The following MYPN variants were observed in gnomAD, a reference collection of about 807,000 sequenced individuals.
MYPN encodes myopalladin, also known as sarcomeric protein myopalladin, 145 kDa (MYOP).
MYPN carries 63 observed loss-of-function variants against 129.4 expected under a neutral mutation model. That is an observed-to-expected ratio of 0.49 (90% CI 0.40 to 0.60). The LOEUF is 0.60. MYPN is among the 20% of genes least tolerant of loss of function. The pLI, the probability that MYPN is intolerant of heterozygous loss-of-function variation, is 0.00. For missense variants in MYPN, 1,596 were observed against 1,635.4 expected, an observed-to-expected ratio of 0.98 and a Z score of 0.42; for synonymous variants, 629 against 600.9, an observed-to-expected ratio of 1.05 and a Z score of -0.68.
At chr10:68,117,122 G>T (rs1368206097) in intron 1 of MYPN, among the ~76,000 whole-genome samples, 1 of 152,022 alleles carries the variant, frequency 6.6e-6, no homozygotes, top group Admixed American at 6.6e-5. Flanking sequence ...TACTTGGGAG[G>T]CTGAGGCAGG....
rs1402437776 is a variant in MYPN at position 68,182,244 on chromosome 10, ATATAACACACATATATATATAACATAT to A, written c.2704-6660_2704-6634del. On this transcript the variant is annotated intron_variant, in intron 12 of 19. Coordinates refer to ENST00000358913, the MANE Select transcript of MYPN (RefSeq NM_032578.4). ...TATAACACATATATATATAACATAT[ATATAACACACATATATATATAACATAT>A]ATATAACACACATATATATATAACA... is the stretch of plus-strand genomic sequence containing the variant. Among the ~76,000 whole-genome samples, 4 of 88,344 alleles carry A rather than the reference ATATAACACACATATATATATAACATAT, an allele frequency of 4.5e-5. No individual in the cohort carries two copies. The South Asian group carries it at 1.2e-3, about 26-fold the overall frequency. 58.0% of individuals were successfully genotyped at this position (88,344 alleles called of 152,430 possible).
At chr10:68,186,623 G>A (rs1423225051) in intron 12 of MYPN, among the ~76,000 whole-genome samples, 1 of 152,152 alleles carries the variant, frequency 6.6e-6, no homozygotes, top group Non-Finnish European at 1.5e-5. Context: ...ATGTGTTAAT[G>A]TCAGAAAAAG....
chr10:68,088,103 G>A (rs1204893776), intron 1 of MYPN, among the ~76,000 whole-genome samples: 3 of 152,130 alleles, frequency 2.0e-5, no homozygotes, highest in Non-Finnish European at 2.9e-5. Context: ...GTGCCTCCAG[G>A]AATCTAATGA....
intron 1 of MYPN, among the ~76,000 whole-genome samples, chr10:68,116,087 T>C (rs1589523177): frequency 6.6e-6 from 1 of 152,336 alleles, no homozygotes; most frequent in East Asian, 1.9e-4. Flanking sequence ...GGATAGAGAC[T>C]TTGTCTTTTG....
In MYPN at chr10:68,211,678, C is replaced by T. The variant is rs60688485; in HGVS notation, c.*1223C>T. 13,972 of 453,998 alleles carry T rather than the reference C, an allele frequency of 0.031. 1,616 individuals carry two copies. The highest frequency in any genetic ancestry group is 0.25 in the African/African-American group (12,539 of 50,036). The allele number at this position is 453,998 out of a possible 1,614,324, so 28.1% of individuals were successfully genotyped here. A position where few individuals can be genotyped will look rare whatever the true frequency, so the allele number is the denominator to read the frequency against. On this transcript the variant is annotated 3_prime_UTR_variant, in exon 20 of 20. Transcript: ENST00000358913. Reference sequence around the variant, plus strand: ...GAGTACCTAGCACAAAGTAGACATTCAATAAATATTTGCTGGTTGAATGAA... The same window carrying T: ...GAGTACCTAGCACAAAGTAGACATTTAATAAATATTTGCTGGTTGAATGAA...
chr10:68,160,301 C>T (rs1479449403), intron 7 of MYPN, among the ~76,000 whole-genome samples: 2 of 151,352 alleles, frequency 1.3e-5, no homozygotes, highest in Non-Finnish European at 2.9e-5. Context: ...TGTGGTGGCA[C>T]GCATCTGTAG....
chr10:68,126,400 A>G (rs2042326455), intron 2 of MYPN, among the ~76,000 whole-genome samples: 1 of 152,204 alleles, frequency 6.6e-6, no homozygotes, highest in South Asian at 2.1e-4. Flanking sequence ...CAAACTGGAA[A>G]CCATTTAAGG....
rs1161067131 is a variant in MYPN at position 68,121,650 on chromosome 10, A to G, written c.212A>G (p.Glu71Gly). The part of the protein sequence containing the change: ...PDLSAFLSQE[E>G]LDESVNLARL... ...CTTTCAGCCTTTCTGAGCCAAGAAG[A>G]ATTAGACGAAAGTGTCAATTTGGCA... The change falls in exon 2 of 20, where the codon GAA (glutamate) becomes GGA (glycine). Residue 71 changes from glutamate (E) to glycine (G), a missense_variant. Coordinates refer to ENST00000358913, the MANE Select transcript of MYPN (RefSeq NM_032578.4). 1.3e-5 allele frequency: 21 copies of G among 1,614,100 alleles called. No homozygotes were observed. The highest frequency in any genetic ancestry group is 1.8e-5 in the Non-Finnish European group (21 of 1,180,044).
chr10:68,182,385 A>C (rs2043339528), intron 12 of MYPN, among the ~76,000 whole-genome samples: 1 of 101,638 alleles, frequency 9.8e-6, no homozygotes, highest in African/African-American at 3.8e-5. Context: ...TATATAACAC[A>C]TATATAACAT....
intron 4 of MYPN, among the ~76,000 whole-genome samples, chr10:68,146,003 C>G (rs1053234353): frequency 1.2e-4 from 18 of 152,092 alleles, no homozygotes; most frequent in Non-Finnish European, 2.4e-4. Flanking sequence ...TTATAGTGTC[C>G]AAACTACGAC....
chr10:68,140,901 G>A lies in MYPN; in HGVS notation c.903-2039G>A, dbSNP rs139499767. 5.8e-3 allele frequency among the ~76,000 whole-genome samples: 886 copies of A among 152,174 alleles called. 10 individuals carry two copies. The highest frequency in any genetic ancestry group is 5.6e-3 in the Admixed American group (86 of 15,278). ...CAACCTGGGAAACATAGCAAAACAC[G>A]AATCTACTAAAAATACAAAAATTAG... On this transcript the variant is annotated intron_variant, in intron 2 of 19. Coordinates refer to ENST00000358913, the MANE Select transcript of MYPN (RefSeq NM_032578.4).
chr10:68,202,397 G>A (rs1244648232), intron 18 of MYPN, among the ~76,000 whole-genome samples: 3 of 151,620 alleles, frequency 2.0e-5, no homozygotes, highest in Non-Finnish European at 1.5e-5. Context: ...TGCGCCACGG[G>A]ACTCCAGCCT....
chr10:68,106,688 A>G (rs1417629890), upstream of MYPN: 3 of 715,776 alleles, frequency 4.2e-6, no homozygotes, highest in South Asian at 3.0e-5. Context: ...GCAAATGCAA[A>G]CATTTTATAT....
intron 12 of MYPN, among the ~76,000 whole-genome samples, chr10:68,177,493 C>A (rs1309676468): frequency 2.0e-5 from 3 of 152,124 alleles, no homozygotes; most frequent in Non-Finnish European, 4.4e-5. Flanking sequence ...ATTTGGATGG[C>A]AGATGTTGAC....
At chr10:68,194,609 T>A (rs2043574128) in intron 14 of MYPN, 97 bp downstream of exon 14, 1 of 1,364,264 alleles carries the variant, frequency 7.3e-7, no homozygotes, top group Admixed American at 1.9e-5. Context: ...TACTAAGGAT[T>A]GCTGAGGAAA....
chr10:68,153,671 G>A (rs2042816537), intron 6 of MYPN, among the ~76,000 whole-genome samples: 1 of 152,170 alleles, frequency 6.6e-6, no homozygotes, highest in African/African-American at 2.4e-5. Flanking sequence ...GCTTGCGTTA[G>A]TTTCCATCAG....
chr10:68,136,453 G>A, intron 2 of MYPN: 1 of 1,016,338 alleles, frequency 9.8e-7, no homozygotes. Context: ...ATGGAGGTTT[G>A]AGAGTATGGT....
rs12264276 is a variant in MYPN at position 68,170,843 on chromosome 10, G to A, written c.1974-3223G>A. Among the ~76,000 whole-genome samples, 995 of 152,202 alleles carry A rather than the reference G, an allele frequency of 6.5e-3. 15 individuals carry two copies. Among genetic ancestry groups the A allele is most frequent in the African/African-American group, 0.023 (954 of 41,530 alleles). On this transcript the variant is annotated intron_variant, in intron 10 of 19. Coordinates refer to ENST00000358913, the MANE Select transcript of MYPN (RefSeq NM_032578.4). ...TGTGCAGCCAGTTTGGAAATCACTG[G>A]TCTAGAGTTAGAGAAATAACCCCGG...
At chr10:68,193,797 G>GCACACA (rs368376657) in intron 13 of MYPN, among the ~76,000 whole-genome samples, 5,637 of 127,266 alleles carry the variant, frequency 0.044, 233 homozygotes, top group East Asian at 0.24. Flanking sequence ...ATGTGTATGT[G>GCACACA]CACACACACA....
Sources: gnomAD v4.1 joint callset for allele counts (sites outside exome capture counted in the v4.1 genomes callset) on GRCh38, gnomAD v4.1.1 for gene constraint, MANE v1.5 for transcripts, NCBI Gene and HGNC (gene_info 2026-07-23, HGNC 2026-07-21) for gene names.